The following MYH10 variants were observed in gnomAD, a reference collection of about 807,000 sequenced individuals.
The protein encoded by MYH10 is myosin heavy chain 10, also known as myosin-10.
MYH10 carries 55 observed loss-of-function variants against 257.8 expected under a neutral mutation model. The observed-to-expected ratio is 0.21, with a 90% confidence interval of 0.17 to 0.27. MYH10 has a LOEUF of 0.27. MYH10 is among the 10% of genes least tolerant of loss of function. The probability of loss-of-function intolerance (pLI) is 1.00; values close to 1 mark genes in which losing one functional copy is unlikely to be tolerated. For missense variants in MYH10, 1,631 were observed against 2,500.6 expected, an observed-to-expected ratio of 0.65 and a Z score of 7.42; for synonymous variants, 854 against 921.7, an observed-to-expected ratio of 0.93 and a Z score of 1.33.
At chr17:8,593,896 G>A (rs1042295477) in intron 3 of MYH10, among the ~76,000 whole-genome samples, 2 of 152,096 alleles carry the variant, frequency 1.3e-5, no homozygotes, top group Non-Finnish European at 2.9e-5. Flanking sequence ...AAAGAACAGT[G>A]GTAGAAGACT....
At chr17:8,626,378 C>A (rs1286974932) in intron 1 of MYH10, among the ~76,000 whole-genome samples, 1 of 151,892 alleles carries the variant, frequency 6.6e-6, no homozygotes, top group Non-Finnish European at 1.5e-5. Flanking sequence ...CCAGCCTGGG[C>A]AACATAGCGA....
intron 40 of MYH10, 96 bp downstream of exon 40, chr17:8,480,012 CCA>C: frequency 1.7e-6 from 2 of 1,188,602 alleles, no homozygotes; most frequent in Non-Finnish European, 2.4e-6. Flanking sequence ...TGTTCTCTGC[CCA>C]CGTGGTGGGG....
intron 16 of MYH10, among the ~76,000 whole-genome samples, chr17:8,533,423 A>G (rs2082056466): frequency 6.6e-6 from 1 of 151,916 alleles, no homozygotes; most frequent in Non-Finnish European, 1.5e-5. Flanking sequence ...CCACCTCTCC[A>G]CTGTGATCAT....
chr17:8,590,837 T>C (rs1292601773), intron 3 of MYH10, among the ~76,000 whole-genome samples: 1 of 147,644 alleles, frequency 6.8e-6, no homozygotes, highest in Non-Finnish European at 1.5e-5. Flanking sequence ...TAGGAATACC[T>C]TCCCAAACAC....
In MYH10 at chr17:8,548,181, C is replaced by T. The variant is rs549801847; in HGVS notation, c.1159+132G>A. 13 of 615,708 alleles carry T rather than the reference C, an allele frequency of 2.1e-5. 1 individual carries two copies. The highest frequency in any genetic ancestry group is 1.9e-4 in the South Asian group (9 of 46,884). 38.1% of individuals were successfully genotyped at this position (615,708 alleles called of 1,614,324 possible). On this transcript the variant is annotated intron_variant, in intron 11 of 42. Coordinates refer to ENST00000360416, the MANE Select transcript of MYH10 (RefSeq NM_001256012.3). Reference sequence around the variant, plus strand: ...TCAGAGGAACCCTCGTGTAAATACACGATGTTGTCACTCTACTCAAGGGTC... The same window carrying T: ...TCAGAGGAACCCTCGTGTAAATACATGATGTTGTCACTCTACTCAAGGGTC...
chr17:8,489,255 G>A (rs977780682), intron 35 of MYH10, among the ~76,000 whole-genome samples: 7 of 152,166 alleles, frequency 4.6e-5, no homozygotes, highest in Non-Finnish European at 8.8e-5. Flanking sequence ...CAGAACCACT[G>A]ACTCAACTGC....
At chr17:8,529,352 A>C (rs962978335) in intron 17 of MYH10, among the ~76,000 whole-genome samples, 8 of 152,202 alleles carry the variant, frequency 5.3e-5, no homozygotes, top group African/African-American at 1.9e-4. Context: ...CACAGCCTGA[A>C]ATTCTCTTAT....
chr17:8,576,768 AGAACTGTG>A, intron 5 of MYH10, 96 bp from the exon 6 acceptor site: 1 of 1,198,702 alleles, frequency 8.3e-7, no homozygotes, highest in Non-Finnish European at 1.2e-6. Flanking sequence ...TGTGCAGTTG[AGAACTGTG>A]GAAGCTGGGT....
chr17:8,591,441 A>T lies in MYH10; in HGVS notation c.503-2333T>A, dbSNP rs116206955. ...CTGTGTATCTATAAATGAGGCATTT[A>T]TTCCTTGCTGGCTGGTTCTTCACCT... On this transcript the variant is annotated intron_variant, in intron 3 of 42. Coordinates refer to ENST00000360416, the MANE Select transcript of MYH10 (RefSeq NM_001256012.3). Among the ~76,000 whole-genome samples the T allele has an allele frequency of 8.3e-3, 1,261 of 152,276 alleles. 24 individuals are homozygous for T. The highest frequency in any genetic ancestry group is 0.028 in the African/African-American group (1,177 of 41,554).
chr17:8,505,259 TCTG>T (rs1428999812), intron 27 of MYH10, among the ~76,000 whole-genome samples: 1 of 152,236 alleles, frequency 6.6e-6, no homozygotes, highest in Non-Finnish European at 1.5e-5. Flanking sequence ...TAGTTAAAAA[TCTG>T]CTTCTAACTA....
At position 8,545,831 on chromosome 17, in the gene MYH10, C is replaced by T. The variant is rs1387609264; in HGVS notation, c.1279-231G>A. 6.6e-6 allele frequency among the ~76,000 whole-genome samples: 1 copy of T among 152,086 alleles called. No individual in the cohort carries two copies. Among genetic ancestry groups the T allele is most frequent in the Non-Finnish European group, 1.5e-5 (1 of 68,022 alleles). ...TAAAGACGCCTAATAAAAATAAGCT[C>T]CTCCCCATGCGCCTGGGTCCTGGGT... is the stretch of plus-strand genomic sequence containing the variant. On this transcript the variant is annotated intron_variant, in intron 12 of 42. Coordinates refer to ENST00000360416, the MANE Select transcript of MYH10 (RefSeq NM_001256012.3). The surrounding 1 kb of genome is among the most constrained non-coding windows in gnomAD (Gnocchi z 4.7).
At chr17:8,495,715 G>GA (rs1555572820) in intron 30 of MYH10, among the ~76,000 whole-genome samples, 2 of 144,572 alleles carry the variant, frequency 1.4e-5, no homozygotes, top group Non-Finnish European at 3.1e-5. Flanking sequence ...GTACAAGAAA[G>GA]TTTTTTTTTT....
At chr17:8,498,690 T>A (rs1005350972) in intron 30 of MYH10, among the ~76,000 whole-genome samples, 1 of 151,772 alleles carries the variant, frequency 6.6e-6, no homozygotes, top group Non-Finnish European at 1.5e-5. Context: ...TACTAAAAAA[T>A]TCAAAAAATT....
chr17:8,527,895 C>G (rs1000874966), intron 17 of MYH10, among the ~76,000 whole-genome samples: 1 of 152,210 alleles, frequency 6.6e-6, no homozygotes, highest in African/African-American at 2.4e-5. Flanking sequence ...ACAACAAAAA[C>G]CTTCATCCAT....
intron 2 of MYH10, among the ~76,000 whole-genome samples, chr17:8,613,079 G>A (rs1024327853): frequency 2.6e-5 from 4 of 152,120 alleles, no homozygotes; most frequent in African/African-American, 4.8e-5. Context: ...GCCAGTGGCC[G>A]GGGTGGGAAA....
rs7211261 is a variant in MYH10, at chr17:8,481,926, A to C, written c.5176-516T>G. Among the ~76,000 whole-genome samples the C allele has an allele frequency of 1.7e-3, 259 of 152,298 alleles. 1 individual carries two copies. Among genetic ancestry groups the C allele is most frequent in the African/African-American group, 6.0e-3 (250 of 41,564 alleles). On this transcript the variant is annotated intron_variant, in intron 37 of 42. Transcript: ENST00000360416. ...CAGGTGGGGGCCTCCGCAGGGGCTC[A>C]AGTGTTTGCAGAGCTGGGCCTCTAA...
At chr17:8,483,697 T>C (rs762069814) in intron 37 of MYH10, among the ~76,000 whole-genome samples, 10 of 152,226 alleles carry the variant, frequency 6.6e-5, no homozygotes, top group Non-Finnish European at 1.3e-4. Context: ...ACAAGAAAGA[T>C]AAATGAAGGA....
Position 8,547,354 on chromosome 17 carries a change from G to C in MYH10, c.1160-692C>G, listed in dbSNP as rs183496550. ...TATTTAACCATGGAAAAGCCATACG[G>C]AGGATGGAGGCCCAACCGCCAATCA... On this transcript the variant is annotated intron_variant, in intron 11 of 42. Coordinates refer to ENST00000360416, the MANE Select transcript of MYH10 (RefSeq NM_001256012.3). Among the ~76,000 whole-genome samples the C allele has an allele frequency of 7.2e-4, 110 of 152,198 alleles. 1 individual carries two copies. The highest frequency in any genetic ancestry group is 5.7e-3 in the Admixed American group (87 of 15,284).
rs773633072 is a variant in MYH10 at position 8,577,358 on chromosome 17, TAGGCTGCTTTAACG to T, written c.531-34_531-21del. ...TCACCCCTGAAAGAAAGAGTTAATATAGGCTGCTTTAACGAAAGCACAGCACATGCATTCCAAAA... is the reference window on the plus strand; with the variant it reads ...TCACCCCTGAAAGAAAGAGTTAATATAAAGCACAGCACATGCATTCCAAAA... On this transcript the variant is annotated intron_variant, in intron 4 of 42. Coordinates refer to ENST00000360416, the MANE Select transcript of MYH10 (RefSeq NM_001256012.3). 2 of 1,569,502 alleles carry T rather than the reference TAGGCTGCTTTAACG, an allele frequency of 1.3e-6. No homozygotes were observed. The highest frequency in any genetic ancestry group is 8.7e-7 in the Non-Finnish European group (1 of 1,147,228).
Sources: gnomAD v4.1 joint callset for allele counts (sites outside exome capture counted in the v4.1 genomes callset) on GRCh38, gnomAD v4.1.1 for gene constraint, Gnocchi (gnomAD v3.1) non-coding constraint, MANE v1.5 for transcripts, NCBI Gene and HGNC (gene_info 2026-07-23, HGNC 2026-07-21) for gene names.